ASTN1: variants seen among roughly 807,000 people sequenced by gnomAD.
The protein encoded by ASTN1 is astrotactin 1.
A neutral mutation model predicts 140.7 loss-of-function variants in ASTN1; 41 were observed. That is an observed-to-expected ratio of 0.29 (90% CI 0.23 to 0.38). The LOEUF (loss-of-function observed/expected upper bound fraction) is 0.38, where lower values mean the gene tolerates loss of function less well. Ranked by LOEUF, ASTN1 falls within the 10% of genes least tolerant of loss-of-function variation. ASTN1 has a pLI of 1.00. For missense variants in ASTN1, 1,479 were observed against 1,678.8 expected, an observed-to-expected ratio of 0.88 and a Z score of 2.08; for synonymous variants, 640 against 652.2, an observed-to-expected ratio of 0.98 and a Z score of 0.29.
At chr1:176,906,860 A>G (rs1482204362) in intron 16 of ASTN1, among the ~76,000 whole-genome samples, 1 of 150,684 alleles carries the variant, frequency 6.6e-6, no homozygotes, top group Non-Finnish European at 1.5e-5. Context: ...AAAAAAAAAA[A>G]GAAAAAAATA....
chr1:177,022,591 G>T (rs2101954850), intron 7 of ASTN1, among the ~76,000 whole-genome samples: 1 of 152,246 alleles, frequency 6.6e-6, no homozygotes, highest in South Asian at 2.1e-4. Context: ...GGAAACCCCA[G>T]CTCCATTTGA....
intron 8 of ASTN1, among the ~76,000 whole-genome samples, chr1:176,991,517 G>T (rs867712326): frequency 6.9e-6 from 1 of 144,556 alleles, no homozygotes; most frequent in Non-Finnish European, 1.5e-5. Context: ...TCCAAAGCTG[G>T]AAAGAAAGAG....
chr1:176,931,166 A>G (rs1295115995), intron 16 of ASTN1, among the ~76,000 whole-genome samples: 2 of 152,204 alleles, frequency 1.3e-5, no homozygotes, highest in Admixed American at 6.5e-5. Context: ...CTTGCTCTGT[A>G]AAAACAAACT....
chr1:177,078,838 A>C (rs1263014235), intron 1 of ASTN1, among the ~76,000 whole-genome samples: 1 of 152,236 alleles, frequency 6.6e-6, no homozygotes, highest in African/African-American at 2.4e-5. Flanking sequence ...CTTAACAGTC[A>C]GCAATAATGA....
intron 4 of ASTN1, among the ~76,000 whole-genome samples, chr1:177,030,420 T>C (rs1410359945): frequency 6.6e-6 from 1 of 152,248 alleles, no homozygotes; most frequent in Non-Finnish European, 1.5e-5. Context: ...TATAGATCTA[T>C]ATTGTTTCAA....
chr1:176,861,802 G>A lies in ASTN1; in HGVS notation c.*2482C>T. ...AAAAGGAGGGTCACAGAAAGAAGAA[G>A]TAAAAGACAAAGATAAAGAAGGTAG... On this transcript the variant is annotated 3_prime_UTR_variant, in exon 23 of 23. Transcript: ENST00000361833. The A allele has an allele frequency of 4.1e-6, 4 of 985,374 alleles. No homozygotes were observed. Among genetic ancestry groups the A allele is most frequent in the Non-Finnish European group, 4.8e-6 (4 of 829,930 alleles). 61.0% of individuals were successfully genotyped at this position (985,374 alleles called of 1,614,324 possible).
chr1:176,918,456 C>G lies in ASTN1; in HGVS notation c.2671+15696G>C, dbSNP rs140388887. 1.5e-4 allele frequency among the ~76,000 whole-genome samples: 23 copies of G among 152,272 alleles called. No individual in the cohort carries two copies. The East Asian group carries it at 4.4e-3, about 29-fold the overall frequency. ...ACATGAAGCTCTTTACTGCTCACCC[C>G]CCGGCAACATGTTCCATCTCATTGG... On this transcript the variant is annotated intron_variant, in intron 16 of 22. Coordinates refer to ENST00000361833, the MANE Select transcript of ASTN1 (RefSeq NM_004319.3).
At chr1:177,067,758 T>C (rs1678436933) in intron 1 of ASTN1, among the ~76,000 whole-genome samples, 1 of 152,120 alleles carries the variant, frequency 6.6e-6, no homozygotes, top group African/African-American at 2.4e-5. Context: ...ATAAACATAA[T>C]GACAGGAGCA....
intron 1 of ASTN1, among the ~76,000 whole-genome samples, chr1:177,097,589 T>C (rs987794113): frequency 1.3e-5 from 2 of 152,196 alleles, no homozygotes; most frequent in African/African-American, 4.8e-5. Context: ...TCCTAAACCC[T>C]TGGAATTTCC....
chr1:177,136,385 C>G (rs372676511), intron 1 of ASTN1, among the ~76,000 whole-genome samples: 1 of 144,488 alleles, frequency 6.9e-6, no homozygotes, highest in Non-Finnish European at 1.5e-5. Context: ...CAGGGTCTCT[C>G]TCTGTCACCT....
intron 16 of ASTN1, among the ~76,000 whole-genome samples, chr1:176,902,268 C>T (rs1669799780): frequency 6.6e-6 from 1 of 152,206 alleles, no homozygotes. Flanking sequence ...TTCCAATTTC[C>T]TGCCTGCCTC....
chr1:177,149,552 T>C (rs572269940), intron 1 of ASTN1, among the ~76,000 whole-genome samples: 3 of 82,836 alleles, frequency 3.6e-5, no homozygotes, highest in Admixed American at 1.7e-4. Flanking sequence ...AGTATATATA[T>C]AGTAAATATA....
chr1:177,068,521 CAA>C (rs943043982), intron 1 of ASTN1, among the ~76,000 whole-genome samples: 1 of 152,104 alleles, frequency 6.6e-6, no homozygotes, highest in African/African-American at 2.4e-5. Flanking sequence ...TGATGAGAAA[CAA>C]TGGCAGGTTA....
intron 2 of ASTN1, among the ~76,000 whole-genome samples, chr1:177,041,982 T>C (rs1470374427): frequency 6.6e-6 from 1 of 152,196 alleles, no homozygotes; most frequent in East Asian, 1.9e-4. Context: ...TGACTTCAGA[T>C]GTAAACAGCC....
At position 176,864,529 on chromosome 1, in the gene ASTN1, T is replaced by C; in HGVS notation, c.3648-8A>G. The C allele has an allele frequency of 6.2e-7, 1 of 1,613,658 alleles. No individual in the cohort carries two copies. The highest frequency in any genetic ancestry group is 8.5e-7 in the Non-Finnish European group (1 of 1,179,690). On this transcript the variant is annotated splice_polypyrimidine_tract_variant and splice_region_variant and intron_variant, in intron 22 of 22. Coordinates refer to ENST00000361833, the MANE Select transcript of ASTN1 (RefSeq NM_004319.3). ...AGGATGAGACCAGCTTTCCTATGGA[T>C]CAAGCACAGAGGATACTTAAGTTAG...
chr1:176,866,310 T>C (rs1668126409), intron 22 of ASTN1, among the ~76,000 whole-genome samples: 1 of 152,108 alleles, frequency 6.6e-6, no homozygotes, highest in South Asian at 2.1e-4. Context: ...TTTCTCCAAC[T>C]TCAATGGTGG....
intron 11 of ASTN1, among the ~76,000 whole-genome samples, chr1:176,950,796 C>T (rs1045744268): frequency 1.3e-5 from 2 of 152,012 alleles, no homozygotes; most frequent in African/African-American, 4.8e-5. Flanking sequence ...GTATACATAT[C>T]GCCAACAAGT....
Position 177,093,342 on chromosome 1 carries a change from G to C in ASTN1, c.284-32077C>G, listed in dbSNP as rs577680338. 1.5e-4 allele frequency among the ~76,000 whole-genome samples: 23 copies of C among 152,266 alleles called. No homozygotes were observed. In the East Asian group the frequency reaches 3.9e-3, roughly 26 times the overall value. ...TTTTCAGCCTCAGTGTCAGGACACT[G>C]TACGTGATATCCATAACGTTAGAGT... On this transcript the variant is annotated intron_variant, in intron 1 of 22. Coordinates refer to ENST00000361833, the MANE Select transcript of ASTN1 (RefSeq NM_004319.3).
chr1:176,887,503 G>A (rs910841706), intron 18 of ASTN1, among the ~76,000 whole-genome samples: 26 of 152,168 alleles, frequency 1.7e-4, no homozygotes, highest in South Asian at 1.7e-3. Context: ...TATCCTCTCC[G>A]TACTATAATG....
Sources: gnomAD v4.1 joint callset for allele counts (sites outside exome capture counted in the v4.1 genomes callset) on GRCh38, gnomAD v4.1.1 for gene constraint, MANE v1.5 for transcripts, NCBI Gene and HGNC (gene_info 2026-07-23, HGNC 2026-07-21) for gene names.